Variants in NBEA observed in about 807,000 individuals in gnomAD.
NBEA encodes neurobeachin.
In NBEA, 44 loss-of-function variants were observed where a neutral mutation model predicts 343.4. That is an observed-to-expected ratio of 0.13 (90% confidence interval 0.10 to 0.16). The LOEUF is 0.16. Among genes scored for constraint, NBEA ranks in the 10% least tolerant of loss-of-function variants. The probability of loss-of-function intolerance (pLI) is 1.00; values close to 1 mark genes in which losing one functional copy is unlikely to be tolerated. For missense variants in NBEA, 2,555 were observed against 3,631.3 expected (o/e 0.70, Z 7.62); for synonymous variants, 1,175 against 1,238.7 (o/e 0.95, Z 1.08).
At chr13:35,272,306 G>A (rs2034224881) in intron 34 of NBEA, among the ~76,000 whole-genome samples, 2 of 152,280 alleles carry the variant, frequency 1.3e-5, no homozygotes, top group South Asian at 2.1e-4. Flanking sequence ...AACATATGCT[G>A]AGAGATTTTG....
At chr13:35,042,182 A>G (rs761982674) in intron 2 of NBEA, among the ~76,000 whole-genome samples, 1 of 151,890 alleles carries the variant, frequency 6.6e-6, no homozygotes, top group East Asian at 1.9e-4. Context: ...ATTTCAAAAA[A>G]TTTGATTTTC....
intron 55 of NBEA, among the ~76,000 whole-genome samples, chr13:35,658,749 G>A (rs1165817050): frequency 6.6e-6 from 1 of 152,166 alleles, no homozygotes; most frequent in Non-Finnish European, 1.5e-5. Flanking sequence ...CCATAAGGAT[G>A]ATCACAGTAG....
intron 18 of NBEA, among the ~76,000 whole-genome samples, chr13:35,146,775 G>C (rs2068454302): frequency 1.3e-5 from 2 of 152,136 alleles, no homozygotes; most frequent in Admixed American, 1.3e-4. Context: ...GCCTGCTGCT[G>C]TCTCATTGTT....
Position 35,112,559 on chromosome 13 carries a change from A to G in NBEA, c.2002+1581A>G, listed in dbSNP as rs1464359400. 2.0e-5 allele frequency among the ~76,000 whole-genome samples: 3 copies of G among 152,168 alleles called. No homozygotes were observed. In the East Asian group the frequency reaches 5.8e-4, roughly 29 times the overall value. ...CCTAGTTCTTAAATGCTACACTATGATAGAGTTTTCTCTAGTCTAAACAAA... is the reference window on the plus strand; with the variant it reads ...CCTAGTTCTTAAATGCTACACTATGGTAGAGTTTTCTCTAGTCTAAACAAA... On this transcript the variant is annotated intron_variant, in intron 13 of 58. Coordinates refer to ENST00000379939, the MANE Select transcript of NBEA (RefSeq NM_001385012.1).
At chr13:35,563,000 T>C (rs897354204) in intron 44 of NBEA, among the ~76,000 whole-genome samples, 1 of 152,020 alleles carries the variant, frequency 6.6e-6, no homozygotes, top group African/African-American at 2.4e-5. Context: ...GTTTCTGAGA[T>C]CTCATTTACT....
intron 40 of NBEA, among the ~76,000 whole-genome samples, chr13:35,470,995 G>A (rs1216378919): frequency 6.6e-6 from 1 of 152,220 alleles, no homozygotes; most frequent in African/African-American, 2.4e-5. Flanking sequence ...AGAGGCCGAG[G>A]CCCAGAGTCC....
chr13:35,363,298 A>C (rs1431354997), intron 38 of NBEA, among the ~76,000 whole-genome samples: 1 of 151,886 alleles, frequency 6.6e-6, no homozygotes, highest in Non-Finnish European at 1.5e-5. Flanking sequence ...ATTTCTTCTT[A>C]AAGGTAGGTC....
intron 34 of NBEA, among the ~76,000 whole-genome samples, chr13:35,254,292 T>A (rs1026642970): frequency 9.2e-5 from 14 of 151,552 alleles, no homozygotes; most frequent in African/African-American, 3.1e-4. Flanking sequence ...ACTTAAAACT[T>A]TTAACTAAGT....
intron 55 of NBEA, among the ~76,000 whole-genome samples, 172 bp downstream of exon 55, chr13:35,655,921 C>A (rs1472381890): frequency 2.0e-5 from 3 of 152,130 alleles, no homozygotes; most frequent in Non-Finnish European, 4.4e-5. Context: ...TTAAAATGAT[C>A]AGTACTATCA....
At chr13:35,018,722 CTTTAA>C (rs1047429492) in intron 1 of NBEA, among the ~76,000 whole-genome samples, 2 of 151,942 alleles carry the variant, frequency 1.3e-5, no homozygotes, top group Non-Finnish European at 2.9e-5. Flanking sequence ...ATCTTTATGC[CTTTAA>C]TTTATTCATT....
chr13:35,320,837 A>G (rs2038085330), intron 36 of NBEA, among the ~76,000 whole-genome samples: 1 of 151,802 alleles, frequency 6.6e-6, no homozygotes, highest in Non-Finnish European at 1.5e-5. Flanking sequence ...ACTTTATTTC[A>G]TTAAGTTGAT....
At chr13:35,026,050 G>T (rs555287301) in intron 1 of NBEA, among the ~76,000 whole-genome samples, 1 of 152,064 alleles carries the variant, frequency 6.6e-6, no homozygotes, top group East Asian at 1.9e-4. Flanking sequence ...CACATGTCAA[G>T]GACAGGACCA....
At chr13:35,441,350 C>T (rs191054918) in intron 39 of NBEA, among the ~76,000 whole-genome samples, 19 of 152,292 alleles carry the variant, frequency 1.2e-4, no homozygotes, top group Non-Finnish European at 2.2e-4. Flanking sequence ...TATAAATTCT[C>T]CATTGAAAAT....
At position 35,361,058 on chromosome 13, in the gene NBEA, A is replaced by G. The variant is rs147317846; in HGVS notation, c.6179+8735A>G. Among the ~76,000 whole-genome samples the G allele has an allele frequency of 3.1e-4, 47 of 152,170 alleles. No homozygotes were observed. The East Asian group carries it at 7.3e-3, about 24-fold the overall frequency. ...TCCAATTAAGGCTAAATCTAGACAC[A>G]TCATAATTAATCTTCTGAAAACCAA... On this transcript the variant is annotated intron_variant, in intron 38 of 58. Transcript: ENST00000379939.
chr13:35,122,978 A>G (rs1414867357), intron 16 of NBEA, among the ~76,000 whole-genome samples: 1 of 152,152 alleles, frequency 6.6e-6, no homozygotes, highest in Non-Finnish European at 1.5e-5. Context: ...GTGCCTACCT[A>G]TCATCTAATT....
chr13:35,308,461 T>C (rs941931875), intron 35 of NBEA, among the ~76,000 whole-genome samples: 1 of 112,624 alleles, frequency 8.9e-6, no homozygotes, highest in South Asian at 3.0e-4. Flanking sequence ...TATATATATA[T>C]ATATATATAT....
At chr13:35,476,014 A>G (rs2075845591) in intron 41 of NBEA, 1 of 1,614,166 alleles carries the variant, frequency 6.2e-7, no homozygotes, top group Non-Finnish European at 8.5e-7. Context: ...CACTTCCTTC[A>G]GTACGTCGGA....
chr13:35,171,362 C>T lies in NBEA; in HGVS notation c.4333C>T (p.Leu1445Phe), dbSNP rs188102526. ...LSRLMAMVDV[L>F]VFASSLNFSE... The stretch of plus-strand genomic sequence containing the variant: ...CCGGCTGATGGCTATGGTTGATGTA[C>T]TTGTGTTTGCAAGCTCTCTAAATTT... The change falls in exon 26 of 59, where the codon CTT becomes TTT. Residue 1445 changes from leucine to phenylalanine, a missense_variant. Physicochemically the swap from Leu to Phe is conservative, Grantham distance 22. Transcript: ENST00000379939. 2.5e-6 allele frequency: 4 copies of T among 1,611,876 alleles called. No individual in the cohort carries two copies. Among genetic ancestry groups the T allele is most frequent in the Non-Finnish European group, 3.4e-6 (4 of 1,178,422 alleles).
intron 44 of NBEA, among the ~76,000 whole-genome samples, chr13:35,563,138 GATA>G (rs2079952421): frequency 3.0e-5 from 4 of 132,134 alleles, no homozygotes; most frequent in Non-Finnish European, 6.3e-5. Flanking sequence ...TGTGGAGATA[GATA>G]GATAGATAGA....
Sources: gnomAD v4.1 joint callset for allele counts (sites outside exome capture counted in the v4.1 genomes callset) on GRCh38, gnomAD v4.1.1 for gene constraint, MANE v1.5 for transcripts, NCBI Gene and HGNC (gene_info 2026-07-23, HGNC 2026-07-21) for gene names.